The following PAXBP1 variants were observed in gnomAD, a reference collection of about 807,000 sequenced individuals.
PAXBP1 encodes PAX3- and PAX7-binding protein 1.
PAXBP1 carries 44 observed loss-of-function variants against 119.9 expected under a neutral mutation model. The observed-to-expected ratio is 0.37, with a 90% confidence interval of 0.29 to 0.47. The LOEUF is 0.47. Among genes scored for constraint, PAXBP1 ranks in the 20% least tolerant of loss-of-function variants. The pLI, the probability that PAXBP1 is intolerant of heterozygous loss-of-function variation, is 0.99. For synonymous variants in PAXBP1, 393 were observed against 406.6 expected (o/e 0.97, Z 0.40); for missense variants, 898 against 1,134.1 (o/e 0.79, Z 2.99).
rs2044002678 is a variant in PAXBP1, at chr21:32,753,935, C to T, written c.1507+1295G>A. On this transcript the variant is annotated intron_variant, in intron 8 of 17. Coordinates refer to ENST00000331923, the MANE Select transcript of PAXBP1 (RefSeq NM_016631.4). ...ACCTCCCTTTGTAGTATAATGGTTA[C>T]CTGTAATCTGCCCCAGAAATCTGGT... 2.6e-5 allele frequency among the ~76,000 whole-genome samples: 4 copies of T among 152,158 alleles called. No individual in the cohort carries two copies. In the South Asian group the frequency reaches 8.3e-4, roughly 32 times the overall value.
chr21:32,735,017 T>C lies in PAXBP1; in HGVS notation c.2687A>G (p.Asp896Gly). 2.5e-6 allele frequency: 4 copies of C among 1,613,892 alleles called. No homozygotes were observed. Among genetic ancestry groups the C allele is most frequent in the Non-Finnish European group, 3.4e-6 (4 of 1,179,904 alleles). Reference protein sequence around the residue: ...VKLLASVRALDHAMSVASDHN... With the variant: ...VKLLASVRALGHAMSVASDHN... ...GTCACTTGCAACAGACATAGCATGATCCAAAGCTCGAACACTTGCAAGGAG... is the reference window on the plus strand; with the variant it reads ...GTCACTTGCAACAGACATAGCATGACCCAAAGCTCGAACACTTGCAAGGAG... Residue 896 changes from aspartate to glycine, a missense_variant, in exon 18 of 18, where the codon GAT becomes GGT. Physicochemically the swap from Asp to Gly is moderately conservative, Grantham distance 94. Transcript: ENST00000331923.
Position 32,751,153 on chromosome 21 carries a change from C to T in PAXBP1, c.1573G>A (p.Ala525Thr), listed in dbSNP as rs1190401292. ...TCCCGCTCTGCAATGCGACGTTTTG[C>T]ATGCTCTTGATACAGTGCCCGATCG... ...GRDRALYQEH[A>T]KRRIAEREAR... Residue 525 changes from alanine (A) to threonine (T), a missense_variant, in exon 9 of 18, where the codon GCA becomes ACA. Ala to Thr is a moderately conservative substitution (Grantham distance 58, BLOSUM62 0). Coordinates refer to ENST00000331923, the MANE Select transcript of PAXBP1 (RefSeq NM_016631.4). 7.4e-6 allele frequency: 12 copies of T among 1,613,860 alleles called. No individual in the cohort carries two copies. The highest frequency in any genetic ancestry group is 1.0e-5 in the Non-Finnish European group (12 of 1,179,858).
In PAXBP1 at chr21:32,734,672, A is replaced by C. The variant is rs2043667089; in HGVS notation, c.*278T>G. ...AATTTACACTGCACACATCGTTTAC[A>C]GGGGACAATTAACTGAGAGGGTTAA... On this transcript the variant is annotated 3_prime_UTR_variant, in exon 18 of 18. Coordinates refer to ENST00000331923, the MANE Select transcript of PAXBP1 (RefSeq NM_016631.4). The C allele has an allele frequency of 2.3e-6, 1 of 429,224 alleles. No homozygotes were observed. The highest frequency in any genetic ancestry group is 4.2e-6 in the Non-Finnish European group (1 of 237,350). The allele number at this position is 429,224 out of a possible 1,614,324, so 26.6% of individuals were successfully genotyped here. A position where few individuals can be genotyped will look rare whatever the true frequency, so the allele number is the denominator to read the frequency against.
intron 8 of PAXBP1, among the ~76,000 whole-genome samples, chr21:32,752,644 CTATT>C (rs1179321254): frequency 1.8e-4 from 28 of 151,792 alleles, no homozygotes; most frequent in South Asian, 1.0e-3. Context: ...ATCTATCTAT[CTATT>C]TATTTATTGA....
intron 3 of PAXBP1, among the ~76,000 whole-genome samples, chr21:32,763,165 T>C (rs112497049): frequency 5.9e-5 from 9 of 152,340 alleles, no homozygotes; most frequent in African/African-American, 2.2e-4. Context: ...TCTGCATAGA[T>C]AAGGCATAAT....
At chr21:32,753,440 A>AAC (rs2043992099) in intron 8 of PAXBP1, among the ~76,000 whole-genome samples, 1 of 151,850 alleles carries the variant, frequency 6.6e-6, no homozygotes, top group African/African-American at 2.4e-5. Context: ...AAAAAAAAAA[A>AAC]AAAAAAACAT....
intron 14 of PAXBP1, 37 bp from the exon 15 acceptor site, chr21:32,743,351 AT>A (rs2043818558): frequency 7.3e-7 from 1 of 1,361,838 alleles, no homozygotes; most frequent in Non-Finnish European, 1.0e-6. Context: ...ATGATCAGAT[AT>A]TTTATATGTA....
intron 13 of PAXBP1, 104 bp from the exon 14 acceptor site, chr21:32,743,858 T>G (rs113742428): frequency 1.4e-5 from 9 of 650,996 alleles, no homozygotes; most frequent in African/African-American, 7.4e-5. Flanking sequence ...GTGAACTAGT[T>G]TCTCAAATTT....
In PAXBP1 at chr21:32,744,798, A is replaced by G; in HGVS notation, c.2184T>C (p.Asn728=). Residue 728 remains asparagine (N), a synonymous_variant, in exon 13 of 18, where the codon AAT becomes AAC. Transcript: ENST00000331923. ...YPSVVNAENK[N]TQVYLKALLL... is the part of the protein sequence containing the mutation. ...TCAAAAGATACTAAATTACCTGTGT[A>G]TTTTTATTTTCTGCATTCACTACTG... The G allele has an allele frequency of 6.3e-7, 1 of 1,575,600 alleles. No individual in the cohort carries two copies. The highest frequency in any genetic ancestry group is 1.2e-5 in the South Asian group (1 of 82,864).
intron 16 of PAXBP1, 48 bp downstream of exon 16, chr21:32,738,125 T>G (rs746779960): frequency 1.4e-6 from 2 of 1,466,364 alleles, no homozygotes; most frequent in East Asian, 2.6e-5. Context: ...AAAACTTAAT[T>G]CATTTTAAAT....
chr21:32,769,932 T>C lies in PAXBP1; in HGVS notation c.354A>G (p.Glu118=). 6.5e-7 allele frequency: 1 copy of C among 1,527,222 alleles called. No individual in the cohort carries two copies. The highest frequency in any genetic ancestry group is 8.9e-7 in the Non-Finnish European group (1 of 1,127,720). 94.6% of individuals were successfully genotyped at this position (1,527,222 alleles called of 1,614,324 possible). The change falls in exon 2 of 18, where the codon GAA becomes GAG. Residue 118 remains glutamate, a synonymous_variant. Coordinates refer to ENST00000331923, the MANE Select transcript of PAXBP1 (RefSeq NM_016631.4). ...AACTTGATTTCTTCACTTTGAAAACTTCTTCATTTTCTTAAAAAGGAAATT... is the reference window on the plus strand; with the variant it reads ...AACTTGATTTCTTCACTTTGAAAACCTCTTCATTTTCTTAAAAAGGAAATT... ...SFQDEEEENE[E]VFKVKKSSYS... is the part of the protein sequence containing the mutation.
chr21:32,749,050 T>C (rs2043919154), intron 10 of PAXBP1, among the ~76,000 whole-genome samples: 1 of 152,206 alleles, frequency 6.6e-6, no homozygotes, highest in Non-Finnish European at 1.5e-5. Flanking sequence ...CACAGATCAC[T>C]GCACAGATTA....
intron 15 of PAXBP1, among the ~76,000 whole-genome samples, chr21:32,740,347 A>G (rs1489581764): frequency 6.6e-6 from 1 of 152,210 alleles, no homozygotes; most frequent in Non-Finnish European, 1.5e-5. Flanking sequence ...CCTAAAATGT[A>G]TAAAACCAAG....
rs149741253 is a variant in PAXBP1, at chr21:32,769,822, G to A, written c.464C>T (p.Ser155Leu). The A allele has an allele frequency of 3.2e-5, 51 of 1,600,438 alleles. No individual in the cohort carries two copies. The highest frequency in any genetic ancestry group is 6.7e-5 in the African/African-American group (5 of 74,144). ...ATTAGTTTGGTACTTACTTTCAGCT[G>A]ATGAGTTGAGTTCTGTCTTAATCTT... is the stretch of plus-strand genomic sequence containing the variant. ...KSKIKTELNS[S>L]AESEQPLDKT... The change falls in exon 2 of 18, where the codon TCA becomes TTA. Residue 155 changes from serine to leucine, a missense_variant. Ser to Leu is a moderately radical substitution (Grantham distance 145, BLOSUM62 -2). This residue lies in a region of PAXBP1 where 299 missense variants were observed against 281.4 expected (regional missense o/e 1.06). Coordinates refer to ENST00000331923, the MANE Select transcript of PAXBP1 (RefSeq NM_016631.4).
chr21:32,753,440 A>C (rs866374221), intron 8 of PAXBP1, among the ~76,000 whole-genome samples: 11 of 151,850 alleles, frequency 7.2e-5, no homozygotes, highest in South Asian at 2.1e-4. Context: ...AAAAAAAAAA[A>C]AAAAAAACAT....
At chr21:32,770,069 ATAAT>A (rs1338487269) in intron 1 of PAXBP1, 127 bp from the exon 2 acceptor site, 3 of 655,972 alleles carry the variant, frequency 4.6e-6, no homozygotes, top group South Asian at 2.4e-5. Flanking sequence ...AAATCATTGT[ATAAT>A]TATTTCAAGT....
In PAXBP1 at chr21:32,748,604, A is replaced by G. The variant is rs187013524; in HGVS notation, c.1818T>C (p.Arg606=). 2 of 1,614,116 alleles carry G rather than the reference A, an allele frequency of 1.2e-6. No individual in the cohort carries two copies. Among genetic ancestry groups the G allele is most frequent in the African/African-American group, 2.7e-5 (2 of 75,046 alleles). The change falls in exon 11 of 18, where the codon CGT becomes CGC. Residue 606 remains arginine (R), a synonymous_variant. Coordinates refer to ENST00000331923, the MANE Select transcript of PAXBP1 (RefSeq NM_016631.4). ...CTTTGTAGGATGTGTAGTATTTTGA[A>G]CGCCATGCTTCAAACTGTGATTTAA... ...DCIKSQFEAW[R]SKYYTSYKDA... is the part of the protein sequence containing the mutation.
At chr21:32,760,982 C>T (rs767114286) in intron 5 of PAXBP1, 77 bp downstream of exon 5, 133 of 1,124,814 alleles carry the variant, frequency 1.2e-4, no homozygotes, top group Middle Eastern at 1.0e-3. Flanking sequence ...AGATTCAATA[C>T]GGAATTTTTT....
At chr21:32,771,212 A>G in intron 1 of PAXBP1, 114 bp downstream of exon 1, 2 of 1,000,418 alleles carry the variant, frequency 2.0e-6, no homozygotes, top group Non-Finnish European at 2.7e-6. Context: ...GTCGGACGGC[A>G]GGGGACTCCG....
Sources: gnomAD v4.1 joint callset for allele counts (sites outside exome capture counted in the v4.1 genomes callset) on GRCh38, gnomAD v4.1.1 for gene constraint, gnomAD v4.1.1 regional missense constraint, MANE v1.5 for transcripts, NCBI Gene and HGNC (gene_info 2026-07-23, HGNC 2026-07-21) for gene names.